The following SCARA5 variants were observed in gnomAD, a reference collection of about 807,000 sequenced individuals.
The protein encoded by SCARA5 is scavenger receptor class A, member 5 (putative).
In SCARA5, 45 loss-of-function variants were observed where a neutral mutation model predicts 46.3. The ratio of observed to expected loss-of-function variants is 0.97; its 90% CI spans 0.76 to 1.24. The LOEUF is 1.24. Ranked by LOEUF, SCARA5 falls within the 50% of genes most tolerant of loss-of-function variation. The probability of loss-of-function intolerance (pLI) is 0.00; values close to 1 mark genes in which losing one functional copy is unlikely to be tolerated. For synonymous variants in SCARA5, 333 were observed against 306.5 expected (o/e 1.09, Z -0.90); for missense variants, 680 against 689.0 (o/e 0.99, Z 0.15).
chr8:27,936,014 G>A (rs1807849287), intron 3 of SCARA5, among the ~76,000 whole-genome samples: 1 of 152,124 alleles, frequency 6.6e-6, no homozygotes, highest in Non-Finnish European at 1.5e-5. Context: ...AATATTTACA[G>A]GCTGCAGGCT....
chr8:27,942,034 G>C (rs1289182247), intron 3 of SCARA5, among the ~76,000 whole-genome samples: 1 of 151,730 alleles, frequency 6.6e-6, no homozygotes, highest in African/African-American at 2.4e-5. Context: ...TTGCCATGTT[G>C]CCCAGGCTGG....
At chr8:27,970,178 G>A (rs1808427755) in intron 2 of SCARA5, among the ~76,000 whole-genome samples, 1 of 152,122 alleles carries the variant, frequency 6.6e-6, no homozygotes, top group African/African-American at 2.4e-5. Flanking sequence ...ATGTGGTGAG[G>A]AACTGAGGGC....
At chr8:27,955,278 AG>A (rs1423340936) in intron 3 of SCARA5, among the ~76,000 whole-genome samples, 4 of 152,184 alleles carry the variant, frequency 2.6e-5, no homozygotes, top group Admixed American at 6.5e-5. Context: ...CACCTCTTCC[AG>A]GGTTTCCCAG....
chr8:27,937,502 T>C (rs1461536713), intron 3 of SCARA5, among the ~76,000 whole-genome samples: 1 of 152,170 alleles, frequency 6.6e-6, no homozygotes, highest in African/African-American at 2.4e-5. Flanking sequence ...CATTTGCTTT[T>C]CCTCCTTCCT....
intron 3 of SCARA5, among the ~76,000 whole-genome samples, chr8:27,930,402 ACTT>A (rs981497873): frequency 3.4e-5 from 5 of 148,440 alleles, no homozygotes; most frequent in African/African-American, 7.4e-5. Context: ...AGTCTATTAA[ACTT>A]CTTTTTTTTT....
intron 7 of SCARA5, among the ~76,000 whole-genome samples, chr8:27,898,142 T>C (rs1329100888): frequency 6.6e-6 from 1 of 152,262 alleles, no homozygotes; most frequent in Non-Finnish European, 1.5e-5. Context: ...ACTTGACTTC[T>C]TAAAGGGGCC....
intron 3 of SCARA5, among the ~76,000 whole-genome samples, chr8:27,926,889 T>A (rs980006077): frequency 2.0e-5 from 3 of 152,162 alleles, no homozygotes; most frequent in African/African-American, 7.2e-5. Flanking sequence ...TAATTTCATG[T>A]CAGTCTCTTC....
At chr8:27,873,794 G>A (rs999335201) in intron 8 of SCARA5, among the ~76,000 whole-genome samples, 7 of 152,226 alleles carry the variant, frequency 4.6e-5, no homozygotes, top group Non-Finnish European at 8.8e-5. Flanking sequence ...GGCTGAGGAG[G>A]GCAGATCGTT....
At chr8:27,899,135 A>G (rs1346220470) in intron 7 of SCARA5, among the ~76,000 whole-genome samples, 1 of 152,224 alleles carries the variant, frequency 6.6e-6, no homozygotes, top group Non-Finnish European at 1.5e-5. Flanking sequence ...CCAGTTGCTT[A>G]TATGTTCTGG....
At chr8:27,976,113 G>GCAGCC (rs1464798228) in intron 2 of SCARA5, among the ~76,000 whole-genome samples, 1 of 152,018 alleles carries the variant, frequency 6.6e-6, no homozygotes, top group African/African-American at 2.4e-5. Flanking sequence ...GTCTTCTTCC[G>GCAGCC]CAGCCGGGGC....
chr8:27,906,736 T>C (rs1185365899), intron 6 of SCARA5, among the ~76,000 whole-genome samples: 1 of 152,212 alleles, frequency 6.6e-6, no homozygotes, highest in Non-Finnish European at 1.5e-5. Context: ...AGATGAGCTC[T>C]TGCTCTGTCA....
intron 2 of SCARA5, among the ~76,000 whole-genome samples, chr8:27,970,735 ATT>A (rs1808435770): frequency 1.3e-5 from 2 of 151,996 alleles, no homozygotes; most frequent in Non-Finnish European, 2.9e-5. Flanking sequence ...GAACCCTCCA[ATT>A]TTGGGGCTTG....
At chr8:27,965,289 A>C (rs1808352328) in intron 3 of SCARA5, among the ~76,000 whole-genome samples, 1 of 152,164 alleles carries the variant, frequency 6.6e-6, no homozygotes, top group African/African-American at 2.4e-5. Flanking sequence ...ATTTCCAGCA[A>C]AAGGTCATCT....
chr8:27,925,956 C>T (rs559669746), intron 3 of SCARA5, among the ~76,000 whole-genome samples: 22 of 152,290 alleles, frequency 1.4e-4, no homozygotes, highest in Middle Eastern at 3.4e-3. Flanking sequence ...ACAACAGATG[C>T]TGGAGAGGAT....
chr8:27,962,046 A>T (rs962697752), intron 3 of SCARA5, among the ~76,000 whole-genome samples: 5 of 152,226 alleles, frequency 3.3e-5, no homozygotes, highest in Non-Finnish European at 7.3e-5. Context: ...TCACAAGGAT[A>T]CATTAACTAC....
At chr8:27,938,967 T>G (rs1235639009) in intron 3 of SCARA5, among the ~76,000 whole-genome samples, 2 of 152,210 alleles carry the variant, frequency 1.3e-5, no homozygotes, top group Non-Finnish European at 2.9e-5. Context: ...AGATATTCTC[T>G]GTTTATGGAA....
intron 7 of SCARA5, among the ~76,000 whole-genome samples, chr8:27,882,794 G>C (rs11781166): frequency 4.6e-5 from 7 of 152,104 alleles, no homozygotes; most frequent in African/African-American, 1.7e-4. Flanking sequence ...CAAGTGCCAG[G>C]TGCTTCCTGA....
chr8:27,975,983 C>G (rs1808517718), intron 2 of SCARA5, among the ~76,000 whole-genome samples: 1 of 152,228 alleles, frequency 6.6e-6, no homozygotes, highest in African/African-American at 2.4e-5. Context: ...TTGTCACTTT[C>G]ATACAATGTG....
In SCARA5 at chr8:27,870,264, G is replaced by C. The variant is rs1377450741; in HGVS notation, c.*1670C>G. ...TTAAATGCAAACCTTGCAATGTGCT[G>C]AGCTATGTAGTAAAAAGTGCTATGT... On this transcript the variant is annotated 3_prime_UTR_variant, in exon 9 of 9. Coordinates refer to ENST00000354914, the MANE Select transcript of SCARA5 (RefSeq NM_173833.6). 5 of 147,962 alleles carry C rather than the reference G, an allele frequency of 3.4e-5. No individual in the cohort carries two copies. The highest frequency in any genetic ancestry group is 1.3e-4 in the African/African-American group (5 of 39,776). The allele number at this position is 147,962 out of a possible 1,614,324, so 9.2% of individuals were successfully genotyped here.
Sources: allele counts gnomAD v4.1 joint callset (sites outside exome capture counted in the v4.1 genomes callset), GRCh38; gene constraint gnomAD v4.1.1; transcripts MANE v1.5; gene names NCBI Gene and HGNC (gene_info 2026-07-23, HGNC 2026-07-21).